The following PCDH15 variants were observed in gnomAD, a reference collection of about 807,000 sequenced individuals.
PCDH15 encodes protocadherin related 15.
Under a neutral mutation model 178.5 loss-of-function variants are expected in PCDH15, and 129 were observed. The ratio of observed to expected loss-of-function variants is 0.72; its 90% confidence interval spans 0.63 to 0.84. PCDH15 has a LOEUF of 0.84. Ranked by LOEUF, PCDH15 falls within the 40% of genes least tolerant of loss-of-function variation. PCDH15 has a pLI of 0.00. For missense variants in PCDH15, 2,230 were observed against 2,099.9 expected (o/e 1.06, Z -1.21); for synonymous variants, 800 against 732.0 (o/e 1.09, Z -1.50).
At chr10:54,503,262 T>TGAGA (rs1254847742) in intron 3 of PCDH15, among the ~76,000 whole-genome samples, 1 of 121,240 alleles carries the variant, frequency 8.2e-6, no homozygotes, top group African/African-American at 2.9e-5. Context: ...TGTGTGTGTG[T>TGAGA]GTGATTATAT....
chr10:54,368,006 A>G (rs1947065262), intron 5 of PCDH15, among the ~76,000 whole-genome samples: 1 of 151,940 alleles, frequency 6.6e-6, no homozygotes, highest in African/African-American at 2.4e-5. Flanking sequence ...TTGGAAATTA[A>G]TTAGTATCTG....
chr10:53,921,069 G>A (rs2083955618), intron 25 of PCDH15, among the ~76,000 whole-genome samples: 1 of 152,092 alleles, frequency 6.6e-6, no homozygotes, highest in Non-Finnish European at 1.5e-5. Context: ...TTGAGCTTTT[G>A]GAAAGTGCTT....
chr10:54,870,658 C>A (rs1428222150), intron 3 of PCDH15, among the ~76,000 whole-genome samples: 1 of 151,784 alleles, frequency 6.6e-6, no homozygotes, highest in Non-Finnish European at 1.5e-5. Flanking sequence ...TGGTGGCGGG[C>A]GCCTGTAGTC....
chr10:54,458,388 T>C (rs1031741252), intron 3 of PCDH15, among the ~76,000 whole-genome samples: 2 of 152,212 alleles, frequency 1.3e-5, no homozygotes, highest in Non-Finnish European at 2.9e-5. Context: ...TCTGGCTTAA[T>C]ATATAAAGCC....
Position 55,591,792 on chromosome 10 carries a change from A to C in PCDH15, c.-156+35833T>G, listed in dbSNP as rs1303048134. Among the ~76,000 whole-genome samples the C allele has an allele frequency of 2.0e-5, 3 of 152,112 alleles. No individual in the cohort carries two copies. The South Asian group carries it at 6.2e-4, about 32-fold the overall frequency. ...GTAAACAGTCACATAATACATAACA[A>C]AAAAATTTTAAAAAGCAATGCATGT... On this transcript the variant is annotated intron_variant, in intron 2 of 5. Coordinates refer to the PCDH15 transcript ENST00000613346.
In PCDH15 at chr10:55,404,963, A is replaced by G. The variant is rs1286382234; in HGVS notation, c.-156+222662T>C. On this transcript the variant is annotated intron_variant, in intron 2 of 5. Coordinates refer to the PCDH15 transcript ENST00000613346. ...TGAACTACAAGTCTTCTTCCACCTA[A>G]TTAGCTTACAGTTGACCTTTAGAAA... Among the ~76,000 whole-genome samples, 4 of 151,768 alleles carry G rather than the reference A, an allele frequency of 2.6e-5. 1 individual carries two copies. Among genetic ancestry groups the G allele is most frequent in the African/African-American group, 9.7e-5 (4 of 41,380 alleles).
At chr10:53,822,075 C>A (rs2076305822) in intron 32 of PCDH15, 1 of 1,614,066 alleles carries the variant, frequency 6.2e-7, no homozygotes. Context: ...TTTAACGTGT[C>A]TGAGGATGCC....
chr10:55,275,706 T>G, intron 1 of PCDH15, among the ~76,000 whole-genome samples: 1 of 133,072 alleles, frequency 7.5e-6, no homozygotes, highest in African/African-American at 2.9e-5. Context: ...CTTGTCTCTC[T>G]TTTTTTTTTT....
At chr10:55,319,816 A>G (rs1029492885), upstream of PCDH15, among the ~76,000 whole-genome samples, 7 of 152,164 alleles carry the variant, frequency 4.6e-5, no homozygotes, top group Admixed American at 6.5e-5. Context: ...GATGGTGCAG[A>G]GTCCAGAGGG....
At position 53,883,301 on chromosome 10, in the gene PCDH15, A is replaced by C. The variant is rs573041525; in HGVS notation, c.3502-16444T>G. Among the ~76,000 whole-genome samples, 8 of 152,270 alleles carry C rather than the reference A, an allele frequency of 5.3e-5. No homozygotes were observed. In the East Asian group the frequency reaches 1.4e-3, roughly 26 times the overall value. ...TTTTTGTCATTAGCCAGCCATTAAG[A>C]ATTTTTTTGTTTTAACCATTTTCTA... On this transcript the variant is annotated intron_variant, in intron 26 of 37. Transcript: ENST00000644397.
chr10:55,099,940 A>G (rs74136350), intron 2 of PCDH15, among the ~76,000 whole-genome samples: 5,831 of 152,204 alleles, frequency 0.038, 376 homozygotes, highest in African/African-American at 0.13. Context: ...CAAATATTCT[A>G]TATTTCAAAA....
intron 15 of PCDH15, among the ~76,000 whole-genome samples, chr10:54,123,764 C>T (rs1038427157): frequency 1.3e-5 from 2 of 152,002 alleles, no homozygotes; most frequent in African/African-American, 4.8e-5. Flanking sequence ...AGGTGCCCAT[C>T]GGTGGTGGAG....
At chr10:55,359,747 T>TATATATACACAC (rs1491280747) in intron 2 of PCDH15, among the ~76,000 whole-genome samples, 14 of 81,660 alleles carry the variant, frequency 1.7e-4, no homozygotes, top group African/African-American at 4.6e-4. Context: ...TATATATATA[T>TATATATACACAC]ACACACACAC....
At chr10:55,150,222 A>G (rs1838670572) in intron 2 of PCDH15, among the ~76,000 whole-genome samples, 1 of 152,074 alleles carries the variant, frequency 6.6e-6, no homozygotes, top group African/African-American at 2.4e-5. Context: ...ATTCAATTTG[A>G]CAGCTGCCAA....
At chr10:55,469,738 A>AT (rs1452634044) in intron 2 of PCDH15, among the ~76,000 whole-genome samples, 1 of 152,040 alleles carries the variant, frequency 6.6e-6, no homozygotes, top group East Asian at 1.9e-4. Flanking sequence ...GTATGCATAT[A>AT]TTTTACATCT....
intron 7 of PCDH15, among the ~76,000 whole-genome samples, chr10:54,327,544 T>C (rs1938425024): frequency 6.6e-6 from 1 of 151,838 alleles, no homozygotes; most frequent in Non-Finnish European, 1.5e-5. Context: ...TATGTCTATC[T>C]ACATATTTCT....
chr10:54,248,162 G>A (rs1025231763), intron 8 of PCDH15, among the ~76,000 whole-genome samples: 1 of 151,678 alleles, frequency 6.6e-6, no homozygotes, highest in Non-Finnish European at 1.5e-5. Flanking sequence ...ATAGGACAGT[G>A]ATATGAATTT....
intron 21 of PCDH15, among the ~76,000 whole-genome samples, chr10:53,981,441 A>T (rs908287204): frequency 1.6e-4 from 24 of 152,200 alleles, no homozygotes; most frequent in African/African-American, 5.8e-4. Context: ...ACAGTAACCA[A>T]AACAGCATGG....
At chr10:54,577,561 T>G (rs1445335370) in intron 2 of PCDH15, among the ~76,000 whole-genome samples, 2 of 152,048 alleles carry the variant, frequency 1.3e-5, no homozygotes, top group African/African-American at 4.8e-5. Context: ...CAAGATTAAT[T>G]GATCATATTA....
Sources: gnomAD v4.1 joint callset for allele counts (sites outside exome capture counted in the v4.1 genomes callset) on GRCh38, gnomAD v4.1.1 for gene constraint, MANE v1.5 for transcripts, NCBI Gene and HGNC (gene_info 2026-07-23, HGNC 2026-07-21) for gene names.